Variants in UBN1 observed in about 807,000 individuals in gnomAD.
The protein encoded by UBN1 is ubinuclein-1.
A neutral mutation model predicts 108.5 loss-of-function variants in UBN1; 17 were observed. That is an observed-to-expected ratio of 0.16 (90% CI 0.11 to 0.24). The LOEUF is 0.24. Ranked by LOEUF, UBN1 falls within the 10% of genes least tolerant of loss-of-function variation. The pLI, the probability that UBN1 is intolerant of heterozygous loss-of-function variation, is 1.00. For missense variants in UBN1, 1,595 were observed against 1,394.4 expected, an observed-to-expected ratio of 1.14 and a Z score of -2.29; for synonymous variants, 726 against 564.2, an observed-to-expected ratio of 1.29 and a Z score of -4.07.
intron 7 of UBN1, among the ~76,000 whole-genome samples, chr16:4,867,385 A>T (rs73517069): frequency 0.026 from 3,963 of 150,040 alleles, 158 homozygotes; most frequent in African/African-American, 0.092. Context: ...AGGGATGCTA[A>T]ATCTGTGTAT....
intron 8 of UBN1, among the ~76,000 whole-genome samples, chr16:4,869,705 C>T (rs1396454324): frequency 6.6e-6 from 1 of 152,190 alleles, no homozygotes; most frequent in Non-Finnish European, 1.5e-5. Context: ...AACAAGGAAC[C>T]TGCTTGAGCG....
chr16:4,849,327 T>C (rs1445915846), intron 1 of UBN1, among the ~76,000 whole-genome samples: 1 of 152,116 alleles, frequency 6.6e-6, no homozygotes, highest in Non-Finnish European at 1.5e-5. Context: ...CCGTGGATGA[T>C]AGGTCTGCCT....
At chr16:4,858,967 T>C in intron 4 of UBN1, 58 bp from the exon 5 acceptor site, 1 of 1,590,970 alleles carries the variant, frequency 6.3e-7, no homozygotes, top group Non-Finnish European at 8.5e-7. Flanking sequence ...AGACCCACTT[T>C]GCACCTTCGG....
intron 7 of UBN1, among the ~76,000 whole-genome samples, 166 bp downstream of exon 7, chr16:4,861,268 G>C (rs1021679716): frequency 2.6e-5 from 4 of 152,254 alleles, no homozygotes; most frequent in African/African-American, 9.6e-5. Flanking sequence ...AACAGTGTAA[G>C]CCTTGCCCGT....
Position 4,858,055 on chromosome 16 carries a change from C to T in UBN1, c.315C>T (p.Ala105=). 1.2e-6 allele frequency: 2 copies of T among 1,612,746 alleles called. No individual in the cohort carries two copies. Among genetic ancestry groups the T allele is most frequent in the Non-Finnish European group, 1.7e-6 (2 of 1,179,420 alleles). ...AAAGGCATAAAGTAGAGGCCCTTGC[C>T]CGAAAATTTGAAGAAAAATACGTAA... ...EKERHKVEAL[A]RKFEEKYGGK... The change falls in exon 3 of 18, where the codon GCC becomes GCT. Residue 105 remains alanine (A), a synonymous_variant. Coordinates refer to ENST00000262376, the MANE Select transcript of UBN1 (RefSeq NM_001079514.3).
intron 17 of UBN1, among the ~76,000 whole-genome samples, chr16:4,879,042 C>T (rs1330204908): frequency 2.0e-5 from 3 of 151,824 alleles, no homozygotes; most frequent in Non-Finnish European, 2.9e-5. Context: ...TTTCATTTTT[C>T]CTCTGGGTAT....
chr16:4,849,737 G>A (rs2086448969), intron 1 of UBN1, among the ~76,000 whole-genome samples: 1 of 151,372 alleles, frequency 6.6e-6, no homozygotes, highest in African/African-American at 2.4e-5. Flanking sequence ...AGACTACAGG[G>A]GTGTGCCACC....
Position 4,875,038 on chromosome 16 carries a change from A to T in UBN1, c.2628A>T (p.Pro876=). 6.2e-7 allele frequency: 1 copy of T among 1,614,026 alleles called. No homozygotes were observed. The highest frequency in any genetic ancestry group is 8.5e-7 in the Non-Finnish European group (1 of 1,180,032). The change falls in exon 15 of 18, where the codon CCA becomes CCT. Residue 876 remains proline (P), a synonymous_variant. Transcript: ENST00000262376. ...CCAGCAGCAGCTCTCACAAGACCCCAGCCTCGTCCTCTTCTGCCCTGAGCC... is the reference window on the plus strand; with the variant it reads ...CCAGCAGCAGCTCTCACAAGACCCCTGCCTCGTCCTCTTCTGCCCTGAGCC... The part of the protein sequence containing the change: ...SASSSSSHKT[P]ASSSSALSHP...
intron 17 of UBN1, among the ~76,000 whole-genome samples, chr16:4,878,442 G>A (rs1285666529): frequency 2.6e-5 from 4 of 152,196 alleles, no homozygotes; most frequent in Non-Finnish European, 5.9e-5. Flanking sequence ...CTCATGATGT[G>A]CTGTGGCTCC....
At chr16:4,858,845 G>C in intron 4 of UBN1, 180 bp from the exon 5 acceptor site, 1 of 975,180 alleles carries the variant, frequency 1.0e-6, no homozygotes, top group Non-Finnish European at 1.6e-6. Context: ...TCTTCAGAAA[G>C]TGATGACCAG....
rs150143960 is a variant in UBN1, at chr16:4,873,131, C to G, written c.1800+58C>G. 3.4e-4 allele frequency: 548 copies of G among 1,606,652 alleles called. 6 individuals carry two copies. In the East Asian group the frequency reaches 0.011, roughly 33 times the overall value. On this transcript the variant is annotated intron_variant, in intron 14 of 17. Coordinates refer to ENST00000262376, the MANE Select transcript of UBN1 (RefSeq NM_001079514.3). ...ATGCCCATCTCCCTACAACTATGCT[C>G]TGGAAACAGTCAAGTGACTGTGGAA...
At position 4,874,476 on chromosome 16, in the gene UBN1, G is replaced by A; in HGVS notation, c.2066G>A (p.Gly689Glu). ...GCTGCATTGAATAGCAGAGCAGCTG[G>A]GAACTCTGAATTCACACTGCCTGCA... ...ELAALNSRAA[G>E]NSEFTLPAPS... The change falls in exon 15 of 18, where the codon GGG becomes GAG. Residue 689 changes from glycine (G) to glutamate (E), a missense_variant. Gly to Glu is a moderately conservative substitution (Grantham distance 98). Transcript: ENST00000262376. 6 of 1,614,202 alleles carry A rather than the reference G, an allele frequency of 3.7e-6. No homozygotes were observed. Among genetic ancestry groups the A allele is most frequent in the Non-Finnish European group, 5.1e-6 (6 of 1,180,048 alleles).
chr16:4,851,131 T>C (rs1419943252), intron 1 of UBN1, among the ~76,000 whole-genome samples: 1 of 152,220 alleles, frequency 6.6e-6, no homozygotes, highest in Non-Finnish European at 1.5e-5. Context: ...AGAAACCAAG[T>C]TACAGCCTCT....
intron 2 of UBN1, among the ~76,000 whole-genome samples, chr16:4,856,541 T>C (rs148317933): frequency 1.6e-3 from 251 of 152,306 alleles, no homozygotes; most frequent in Admixed American, 6.2e-3. Flanking sequence ...GTAACAGAAA[T>C]TACAATATGG....
intron 1 of UBN1, 119 bp from the exon 2 acceptor site, chr16:4,852,760 A>T: frequency 9.0e-7 from 1 of 1,105,050 alleles, no homozygotes. Flanking sequence ...TAAATGACAA[A>T]ATATAACAAT....
chr16:4,848,538 T>C (rs1200149822), intron 1 of UBN1: 1 of 152,134 alleles, frequency 6.6e-6, no homozygotes, highest in Non-Finnish European at 1.5e-5. Flanking sequence ...CCCAAGGCAT[T>C]GTGGTGGTTA....
At position 4,877,249 on chromosome 16, in the gene UBN1, C is replaced by T; in HGVS notation, c.3266-136C>T. ...AACATCTCCGGGAACTGTGCCAAGC[C>T]CCCACTGCCCCTTTGGGTGTGGTGC... is the stretch of plus-strand genomic sequence containing the variant. On this transcript the variant is annotated intron_variant, in intron 16 of 17. Coordinates refer to ENST00000262376, the MANE Select transcript of UBN1 (RefSeq NM_001079514.3). This position sits in a 1 kb window ranked among gnomAD's most constrained non-coding sequence, Gnocchi z 4.3. 1.3e-6 allele frequency: 2 copies of T among 1,508,618 alleles called. No homozygotes were observed. The highest frequency in any genetic ancestry group is 1.4e-5 in the African/African-American group (1 of 72,194). The allele number at this position is 1,508,618 out of a possible 1,614,324, so 93.5% of individuals were successfully genotyped here.
intron 2 of UBN1, among the ~76,000 whole-genome samples, chr16:4,855,627 A>G (rs1313697691): frequency 1.4e-5 from 2 of 138,278 alleles, no homozygotes; most frequent in Non-Finnish European, 3.1e-5. Context: ...AAAAAAAAAA[A>G]AGGCTGGAAG....
intron 7 of UBN1, among the ~76,000 whole-genome samples, chr16:4,863,346 G>A (rs2142189490): frequency 6.6e-6 from 1 of 152,266 alleles, no homozygotes; most frequent in South Asian, 2.1e-4. Flanking sequence ...GTCCCTGCAT[G>A]TGTGTGCAAA....
Sources: allele counts gnomAD v4.1 joint callset (sites outside exome capture counted in the v4.1 genomes callset), GRCh38; gene constraint gnomAD v4.1.1; non-coding constraint Gnocchi (gnomAD v3.1); transcripts MANE v1.5; gene names NCBI Gene and HGNC (gene_info 2026-07-23, HGNC 2026-07-21).